Variants in AFG1L observed in about 807,000 individuals in gnomAD.
AFG1L encodes AFG1 like ATPase, also known as AFG1-like ATPase.
AFG1L carries 53 observed loss-of-function variants against 62.2 expected under a neutral mutation model. The ratio of observed to expected loss-of-function variants is 0.85; its 90% CI spans 0.68 to 1.07. The LOEUF is 1.07. Among genes scored for constraint, AFG1L ranks in the 50% least tolerant of loss-of-function variants. The probability of loss-of-function intolerance (pLI) is 0.00; values close to 1 mark genes in which losing one functional copy is unlikely to be tolerated. For synonymous variants in AFG1L, 228 were observed against 210.3 expected (o/e 1.08, Z -0.73); for missense variants, 555 against 590.5 (o/e 0.94, Z 0.62).
intron 7 of AFG1L, among the ~76,000 whole-genome samples, chr6:108,433,314 CA>C (rs1771159338): frequency 6.6e-6 from 1 of 152,032 alleles, no homozygotes; most frequent in South Asian, 2.1e-4. Context: ...GAGTCTTGCT[CA>C]GTCGCCCAGG....
chr6:108,441,148 C>T (rs1771528703), intron 7 of AFG1L, among the ~76,000 whole-genome samples: 1 of 152,188 alleles, frequency 6.6e-6, no homozygotes, highest in South Asian at 2.1e-4. Context: ...ATTTTCTCCA[C>T]AATGTCTTTA....
At chr6:108,499,576 CAA>C (rs1229508414) in intron 10 of AFG1L, among the ~76,000 whole-genome samples, 7 of 59,276 alleles carry the variant, frequency 1.2e-4, no homozygotes, top group Admixed American at 1.9e-4. Flanking sequence ...TCATCTCTAC[CAA>C]AAAAAAAAAA....
At chr6:108,299,288 A>AACATACTTGG in intron 1 of AFG1L, among the ~76,000 whole-genome samples, 1 of 152,064 alleles carries the variant, frequency 6.6e-6, no homozygotes, top group South Asian at 2.1e-4. Flanking sequence ...AAAATAAATT[A>AACATACTTGG]ACATACTTGG....
intron 7 of AFG1L, among the ~76,000 whole-genome samples, chr6:108,403,947 T>C (rs1030517198): frequency 6.6e-5 from 10 of 152,170 alleles, no homozygotes; most frequent in Admixed American, 5.9e-4. Flanking sequence ...AAGTTGAACA[T>C]GGACTGAACT....
chr6:108,307,176 G>A (rs1179519141), intron 1 of AFG1L, among the ~76,000 whole-genome samples: 1 of 151,772 alleles, frequency 6.6e-6, no homozygotes, highest in Non-Finnish European at 1.5e-5. Context: ...ACCATGCCTG[G>A]CTAATTTTTG....
At chr6:108,346,778 A>G (rs1182233928) in intron 2 of AFG1L, among the ~76,000 whole-genome samples, 4 of 152,178 alleles carry the variant, frequency 2.6e-5, no homozygotes, top group Non-Finnish European at 4.4e-5. Context: ...AATGTCCCCA[A>G]TGTTCATTCA....
chr6:108,419,232 C>T (rs919646195), intron 7 of AFG1L, among the ~76,000 whole-genome samples: 5 of 152,136 alleles, frequency 3.3e-5, no homozygotes, highest in Admixed American at 2.6e-4. Context: ...TGTTCCTGTG[C>T]AAGATTGTAT....
intron 8 of AFG1L, among the ~76,000 whole-genome samples, chr6:108,470,492 TA>T (rs1772842220): frequency 6.6e-6 from 1 of 152,204 alleles, no homozygotes; most frequent in African/African-American, 2.4e-5. Context: ...GTTTAGAAAG[TA>T]GGGGGATACT....
Position 108,347,119 on chromosome 6 carries a change from T to C in AFG1L, c.415+80T>C, listed in dbSNP as rs927022269. The C allele has an allele frequency of 3.5e-5, 42 of 1,198,950 alleles. No individual in the cohort carries two copies. In the African/African-American group the frequency reaches 6.2e-4, roughly 18 times the overall value. The allele number at this position is 1,198,950 out of a possible 1,614,324, so 74.3% of individuals were successfully genotyped here. A position where few individuals can be genotyped will look rare whatever the true frequency, so the allele number is the denominator to read the frequency against. ...CTCTCAGGGATGATTTCTATTTCTA[T>C]CCCTCAATCTGTTACCAGCAAGGGA... On this transcript the variant is annotated intron_variant, in intron 3 of 12. Coordinates refer to ENST00000368977, the MANE Select transcript of AFG1L (RefSeq NM_145315.5).
At chr6:108,476,482 C>G (rs1181436507) in intron 8 of AFG1L, among the ~76,000 whole-genome samples, 2 of 152,202 alleles carry the variant, frequency 1.3e-5, no homozygotes, top group Non-Finnish European at 2.9e-5. Flanking sequence ...CATGTACCCT[C>G]TCAGTAGAGA....
intron 2 of AFG1L, among the ~76,000 whole-genome samples, chr6:108,331,615 A>C (rs1778281393): frequency 6.6e-6 from 1 of 152,238 alleles, no homozygotes; most frequent in African/African-American, 2.4e-5. Flanking sequence ...TTATTGAATA[A>C]AATTTACAAC....
intron 1 of AFG1L, among the ~76,000 whole-genome samples, chr6:108,297,199 TG>T (rs1776796065): frequency 6.6e-6 from 1 of 152,052 alleles, no homozygotes; most frequent in Non-Finnish European, 1.5e-5. Flanking sequence ...CTCCACCTCC[TG>T]GATTCAAGCA....
At chr6:108,404,794 A>G (rs995113471) in intron 7 of AFG1L, among the ~76,000 whole-genome samples, 1 of 151,892 alleles carries the variant, frequency 6.6e-6, no homozygotes, top group Non-Finnish European at 1.5e-5. Context: ...GTCGTACAAT[A>G]TTGGCTCACT....
intron 11 of AFG1L, among the ~76,000 whole-genome samples, chr6:108,517,846 T>C (rs1326593141): frequency 6.6e-6 from 1 of 152,160 alleles, no homozygotes; most frequent in Non-Finnish European, 1.5e-5. Flanking sequence ...GGGTGAAGGA[T>C]ATGAACAGAC....
chr6:108,346,904 T>C, intron 2 of AFG1L, 84 bp from the exon 3 acceptor site: 1 of 1,029,426 alleles, frequency 9.7e-7, no homozygotes, highest in Non-Finnish European at 1.5e-6. Context: ...TGGTTCTGTA[T>C]ATAGGACAGT....
At chr6:108,406,519 C>T (rs865855381) in intron 7 of AFG1L, among the ~76,000 whole-genome samples, 1 of 152,138 alleles carries the variant, frequency 6.6e-6, no homozygotes, top group Non-Finnish European at 1.5e-5. Context: ...CTCACTGCAA[C>T]ATCTGCCTCC....
chr6:108,390,585 T>C lies in AFG1L; in HGVS notation c.749-11411T>C, dbSNP rs1283565. Among the ~76,000 whole-genome samples the C allele has an allele frequency of 6.5e-3, 987 of 152,364 alleles. 5 individuals carry two copies. Among genetic ancestry groups the C allele is most frequent in the African/African-American group, 0.019 (809 of 41,594 alleles). On this transcript the variant is annotated intron_variant, in intron 6 of 12. Transcript: ENST00000368977. ...TCTGTTTGTTAGTTTTCCTTCTAAC[T>C]GTCAGGACCCTCAGCTGCAGGTCTG...
intron 1 of AFG1L, among the ~76,000 whole-genome samples, 200 bp downstream of exon 1, chr6:108,295,418 T>C (rs543017862): frequency 1.7e-4 from 26 of 152,292 alleles, no homozygotes; most frequent in African/African-American, 5.8e-4. Context: ...TGACCCTGAG[T>C]GACTTTCATT....
chr6:108,356,114 C>T lies in AFG1L; in HGVS notation c.517+359C>T, dbSNP rs142229730. On this transcript the variant is annotated intron_variant, in intron 4 of 12. Transcript: ENST00000368977. ...AGCATGTAGGCATTCAGTTTGAGTA[C>T]GCATGTAAGCTTTATTGCTTTGCTA... 3.4e-3 allele frequency among the ~76,000 whole-genome samples: 513 copies of T among 152,294 alleles called. 3 individuals are homozygous for T. Among genetic ancestry groups the T allele is most frequent in the African/African-American group, 0.011 (461 of 41,568 alleles).
Sources: allele counts gnomAD v4.1 joint callset (sites outside exome capture counted in the v4.1 genomes callset), GRCh38; gene constraint gnomAD v4.1.1; transcripts MANE v1.5; gene names NCBI Gene and HGNC (gene_info 2026-07-23, HGNC 2026-07-21).